The following BBS4 variants were observed in gnomAD, a reference collection of about 807,000 sequenced individuals.
BBS4 encodes Bardet-Biedl syndrome 4.
BBS4 carries 58 observed loss-of-function variants against 71.4 expected under a neutral mutation model. The observed-to-expected ratio is 0.81, with a 90% CI of 0.66 to 1.01. BBS4 has a LOEUF of 1.01. Ranked by LOEUF, BBS4 falls within the 50% of genes least tolerant of loss-of-function variation. BBS4 has a pLI of 0.00. For missense variants in BBS4, 660 were observed against 607.9 expected, an observed-to-expected ratio of 1.09 and a Z score of -0.90; for synonymous variants, 228 against 216.8, an observed-to-expected ratio of 1.05 and a Z score of -0.46.
chr15:72,716,718 A>C lies in BBS4; in HGVS notation c.333-60A>C, dbSNP rs954508179. 3.4e-6 allele frequency: 4 copies of C among 1,159,966 alleles called. No individual in the cohort carries two copies. The African/African-American group carries it at 6.1e-5, about 18-fold the overall frequency. The allele number at this position is 1,159,966 out of a possible 1,614,324, so 71.9% of individuals were successfully genotyped here. A position where few individuals can be genotyped will look rare whatever the true frequency, so the allele number is the denominator to read the frequency against. On this transcript the variant is annotated intron_variant, in intron 5 of 15. Transcript: ENST00000268057. The stretch of plus-strand genomic sequence containing the variant: ...TGAAATATGATTAAAATGTGGGACT[A>C]GTAGGGTTAGTCTTCTAAGAATTTT...
chr15:72,723,415 GTATA>G (rs946909673), intron 7 of BBS4, among the ~76,000 whole-genome samples: 3 of 152,190 alleles, frequency 2.0e-5, no homozygotes, highest in African/African-American at 7.2e-5. Context: ...GTAAGAAAAA[GTATA>G]TATCATAATT....
Position 72,737,648 on chromosome 15 carries a change from A to AG in BBS4, c.*63dup, listed in dbSNP as rs760637530. ...GGGCGAGGATGTGCTGGATTAGGAA[A>AG]GGTGACATGACACAGGCAGAGCAGA... On this transcript the variant is annotated 3_prime_UTR_variant, in exon 16 of 16. Transcript: ENST00000268057. The AG allele has an allele frequency of 8.2e-6, 11 of 1,338,750 alleles. No homozygotes were observed. The highest frequency in any genetic ancestry group is 1.1e-5 in the Non-Finnish European group (11 of 958,742). The allele number at this position is 1,338,750 out of a possible 1,614,324, so 82.9% of individuals were successfully genotyped here.
intron 8 of BBS4, among the ~76,000 whole-genome samples, chr15:72,726,684 TACAGA>T (rs148271677): frequency 7.5e-4 from 114 of 152,350 alleles, no homozygotes; most frequent in Non-Finnish European, 1.4e-3. Flanking sequence ...TTTGTTAAGC[TACAGA>T]ACAGACTTTT....
chr15:72,728,138 C>G, intron 9 of BBS4, 144 bp downstream of exon 9: 2 of 658,186 alleles, frequency 3.0e-6, no homozygotes, highest in South Asian at 1.7e-5. Context: ...ATTCGATACT[C>G]TTTGCTAAAG....
intron 8 of BBS4, among the ~76,000 whole-genome samples, chr15:72,726,099 C>T (rs2065694302): frequency 6.9e-6 from 1 of 143,926 alleles, no homozygotes; most frequent in Non-Finnish European, 1.5e-5. Context: ...TTCTTCCTTT[C>T]TTCCTTCCTT....
chr15:72,704,539 A>G (rs1161724460), intron 2 of BBS4: 3 of 983,270 alleles, frequency 3.1e-6, no homozygotes, highest in Non-Finnish European at 1.4e-6. Flanking sequence ...TGAGGTATCC[A>G]GAATTCCTTC....
At chr15:72,717,063 C>T (rs1426914216) in intron 6 of BBS4, 13 of 566,560 alleles carry the variant, frequency 2.3e-5, no homozygotes, top group Admixed American at 9.2e-5. Context: ...AGTTTGCTGA[C>T]GAGCAGTCTC....
intron 2 of BBS4, among the ~76,000 whole-genome samples, chr15:72,705,587 C>CTTTTTTTTTTT (rs762708438): frequency 2.3e-5 from 2 of 86,862 alleles, no homozygotes; most frequent in Non-Finnish European, 4.1e-5. Context: ...ATGGCTTGTC[C>CTTTTTTTTTTT]TTTTTTTTTT....
chr15:72,718,731 A>ATGCAAAGATGGACTGT (rs2065510872), intron 6 of BBS4, among the ~76,000 whole-genome samples: 1 of 152,194 alleles, frequency 6.6e-6, no homozygotes, highest in African/African-American at 2.4e-5. Flanking sequence ...TGCCCTGGAG[A>ATGCAAAGATGGACTGT]TGCAAAGATG....
At chr15:72,723,250 A>C (rs186944669) in intron 7 of BBS4, among the ~76,000 whole-genome samples, 1 of 152,152 alleles carries the variant, frequency 6.6e-6, no homozygotes, top group Non-Finnish European at 1.5e-5. Context: ...GTCATTGAAA[A>C]TAAATTTTAA....
chr15:72,722,701 G>T, intron 6 of BBS4, 93 bp from the exon 7 acceptor site: 1 of 1,168,498 alleles, frequency 8.6e-7, no homozygotes, highest in Non-Finnish European at 1.3e-6. Flanking sequence ...AAACCTTGCC[G>T]AGCAATAACA....
At chr15:72,729,753 C>A in intron 10 of BBS4, 69 bp downstream of exon 10, 1 of 1,358,828 alleles carries the variant, frequency 7.4e-7, no homozygotes, top group Non-Finnish European at 1.1e-6. Flanking sequence ...TGATCTGACC[C>A]TGGAAAGCAA....
chr15:72,735,255 C>T, intron 13 of BBS4, 73 bp downstream of exon 13: 1 of 1,174,868 alleles, frequency 8.5e-7, no homozygotes, highest in Non-Finnish European at 1.3e-6. Context: ...CCATACATAG[C>T]ATTGGTGCTG....
At chr15:72,735,650 A>C in intron 13 of BBS4, 175 bp from the exon 14 acceptor site, 1 of 829,160 alleles carries the variant, frequency 1.2e-6, no homozygotes, top group East Asian at 2.4e-5. Context: ...TTGTTAGGCC[A>C]TTAACTCCTT....
At chr15:72,686,408 G>A (rs762975546) in intron 1 of BBS4, 157 bp downstream of exon 1, 12 of 1,534,932 alleles carry the variant, frequency 7.8e-6, no homozygotes, top group Non-Finnish European at 1.0e-5. Flanking sequence ...ACTGTCCCGG[G>A]AACTGGTCGC....
At chr15:72,692,510 G>A (rs1374536437) in intron 1 of BBS4, among the ~76,000 whole-genome samples, 1 of 151,362 alleles carries the variant, frequency 6.6e-6, no homozygotes, top group Non-Finnish European at 1.5e-5. Context: ...GCGGGGTTTC[G>A]TCATGTTACC....
intron 1 of BBS4, among the ~76,000 whole-genome samples, chr15:72,687,075 A>G (rs112645479): frequency 0.013 from 1,922 of 148,674 alleles, 46 homozygotes; most frequent in African/African-American, 0.045. Flanking sequence ...TCTCATTTGC[A>G]GAGTAGTCAT....
chr15:72,725,654 C>CT (rs1157028945), intron 8 of BBS4, among the ~76,000 whole-genome samples: 1 of 151,860 alleles, frequency 6.6e-6, no homozygotes, highest in South Asian at 2.1e-4. Context: ...AGACCAGTAT[C>CT]TTTTTTCCCC....
At chr15:72,717,014 C>T in intron 6 of BBS4, 164 bp downstream of exon 6, 1 of 646,010 alleles carries the variant, frequency 1.5e-6, no homozygotes, top group Admixed American at 2.8e-5. Flanking sequence ...AACCATGTTT[C>T]CTCATAACTT....
Sources: gnomAD v4.1 joint callset for allele counts (sites outside exome capture counted in the v4.1 genomes callset) on GRCh38, gnomAD v4.1.1 for gene constraint, MANE v1.5 for transcripts, NCBI Gene and HGNC (gene_info 2026-07-23, HGNC 2026-07-21) for gene names.